IQGAP2: variants seen among roughly 807,000 people sequenced by gnomAD.
IQGAP2 encodes the protein ras GTPase-activating-like protein IQGAP2.
IQGAP2 carries 173 observed loss-of-function variants against 201.3 expected under a neutral mutation model. The ratio of observed to expected loss-of-function variants is 0.86; its 90% confidence interval spans 0.76 to 0.98. IQGAP2 has a LOEUF of 0.98. IQGAP2 is among the 50% of genes least tolerant of loss of function. IQGAP2 has a pLI of 0.00. For missense variants in IQGAP2, 1,687 were observed against 1,864.8 expected, an observed-to-expected ratio of 0.90 and a Z score of 1.76; for synonymous variants, 675 against 673.9, an observed-to-expected ratio of 1.00 and a Z score of -0.03.
In IQGAP2 at chr5:76,664,953, A is replaced by G. The variant is rs78990014; in HGVS notation, c.2530-73A>G. ...CTGTATTTCCAATTACGTGTGTTTC[A>G]ATCCTATATGTGAAGGGAGGAGATA... On this transcript the variant is annotated intron_variant, in intron 21 of 35. Coordinates refer to ENST00000274364, the MANE Select transcript of IQGAP2 (RefSeq NM_006633.5). 4,227 of 857,084 alleles carry G rather than the reference A, an allele frequency of 4.9e-3. 19 individuals are homozygous for G. The highest frequency in any genetic ancestry group is 5.9e-3 in the Non-Finnish European group (3,132 of 531,374). The allele number at this position is 857,084 out of a possible 1,614,324, so 53.1% of individuals were successfully genotyped here.
At chr5:76,602,097 T>G (rs1747466692) in intron 11 of IQGAP2, among the ~76,000 whole-genome samples, 1 of 152,230 alleles carries the variant, frequency 6.6e-6, no homozygotes, top group South Asian at 2.1e-4. Flanking sequence ...CTGCTGTCAG[T>G]AGCCAGTCTA....
chr5:76,403,670 G>A lies in IQGAP2; in HGVS notation c.46+79G>A. ...GAGGACGGCGTTGGAGAAGCCGAGGGAGCCGGTTGCGCGGCGCAGAGGAAA... is the reference window on the plus strand; with the variant it reads ...GAGGACGGCGTTGGAGAAGCCGAGGAAGCCGGTTGCGCGGCGCAGAGGAAA... On this transcript the variant is annotated intron_variant, in intron 1 of 35. Coordinates refer to ENST00000274364, the MANE Select transcript of IQGAP2 (RefSeq NM_006633.5). The surrounding 1 kb of genome is among the most constrained non-coding windows in gnomAD (Gnocchi z 4.8). The A allele has an allele frequency of 8.0e-7, 1 of 1,251,076 alleles. No individual in the cohort carries two copies. The highest frequency in any genetic ancestry group is 1.1e-6 in the Non-Finnish European group (1 of 941,218). The allele number at this position is 1,251,076 out of a possible 1,614,324, so 77.5% of individuals were successfully genotyped here.
intron 2 of IQGAP2, among the ~76,000 whole-genome samples, chr5:76,483,643 C>T (rs1755928865): frequency 6.6e-6 from 1 of 152,152 alleles, no homozygotes; most frequent in African/African-American, 2.4e-5. Context: ...CCTGGCCACC[C>T]GGAGCACTGC....
intron 4 of IQGAP2, among the ~76,000 whole-genome samples, chr5:76,571,262 C>T (rs1015367745): frequency 6.6e-6 from 1 of 152,156 alleles, no homozygotes; most frequent in Non-Finnish European, 1.5e-5. Context: ...ACCTCCGCCT[C>T]CCATGTTCAA....
At chr5:76,440,126 A>G (rs80258835) in intron 1 of IQGAP2, among the ~76,000 whole-genome samples, 2,932 of 152,318 alleles carry the variant, frequency 0.019, 105 homozygotes, top group African/African-American at 0.065. Context: ...GTTTAGCTGG[A>G]TACCAAATTC....
At chr5:76,479,482 G>A (rs1451261756) in intron 2 of IQGAP2, among the ~76,000 whole-genome samples, 1 of 152,130 alleles carries the variant, frequency 6.6e-6, no homozygotes, top group African/African-American at 2.4e-5. Context: ...GGTGTTGTGT[G>A]GTGGAAATGG....
intron 2 of IQGAP2, among the ~76,000 whole-genome samples, chr5:76,495,952 A>G (rs1186307176): frequency 6.6e-6 from 1 of 152,244 alleles, no homozygotes; most frequent in African/African-American, 2.4e-5. Context: ...GAGAGGACAG[A>G]CATCCAAACC....
intron 1 of IQGAP2, among the ~76,000 whole-genome samples, chr5:76,407,180 C>T (rs1198037506): frequency 6.6e-6 from 1 of 151,954 alleles, no homozygotes; most frequent in Non-Finnish European, 1.5e-5. Flanking sequence ...GGGTTTTCAC[C>T]ATGTTGCCCA....
At chr5:76,694,034 T>C (rs1176248243) in intron 31 of IQGAP2, 1 of 152,256 alleles carries the variant, frequency 6.6e-6, no homozygotes, top group African/African-American at 2.4e-5. Flanking sequence ...TAAACAAAAG[T>C]TAATTATTTA....
chr5:76,411,587 G>A (rs1348544586), intron 1 of IQGAP2, among the ~76,000 whole-genome samples: 1 of 152,116 alleles, frequency 6.6e-6, no homozygotes, highest in Non-Finnish European at 1.5e-5. Flanking sequence ...TTTGGTAAAA[G>A]GATGAGTTCA....
At chr5:76,528,630 T>C (rs1759108189) in intron 2 of IQGAP2, among the ~76,000 whole-genome samples, 1 of 152,146 alleles carries the variant, frequency 6.6e-6, no homozygotes, top group African/African-American at 2.4e-5. Context: ...CAATGAAAAG[T>C]CTAACCTCTA....
At chr5:76,438,167 A>G (rs982831088) in intron 1 of IQGAP2, among the ~76,000 whole-genome samples, 4 of 151,978 alleles carry the variant, frequency 2.6e-5, no homozygotes, top group African/African-American at 9.7e-5. Flanking sequence ...ATTGGAATCA[A>G]TTCTTCTTTG....
intron 16 of IQGAP2, among the ~76,000 whole-genome samples, chr5:76,639,826 G>A (rs1751425423): frequency 1.3e-5 from 2 of 152,152 alleles, no homozygotes; most frequent in Non-Finnish European, 2.9e-5. Context: ...GTTGTTCAGA[G>A]GTCGTACAAC....
intron 30 of IQGAP2, chr5:76,691,480 C>A (rs1369490757): frequency 6.6e-6 from 1 of 152,150 alleles, no homozygotes; most frequent in Non-Finnish European, 1.5e-5. Context: ...ACTCAGTGTT[C>A]CTGTTTAATA....
chr5:76,476,350 A>ATGTG (rs1261409788), intron 2 of IQGAP2, among the ~76,000 whole-genome samples: 2 of 152,244 alleles, frequency 1.3e-5, no homozygotes, highest in South Asian at 4.1e-4. Flanking sequence ...GATGGACAGG[A>ATGTG]TGTGGCCTGG....
intron 1 of IQGAP2, among the ~76,000 whole-genome samples, chr5:76,436,983 T>G (rs927197748): frequency 6.6e-6 from 1 of 152,186 alleles, no homozygotes; most frequent in Admixed American, 6.5e-5. Context: ...TATGCATACA[T>G]TTATTGGCTT....
chr5:76,532,221 A>G (rs1759343426), intron 2 of IQGAP2, among the ~76,000 whole-genome samples: 1 of 152,234 alleles, frequency 6.6e-6, no homozygotes, highest in African/African-American at 2.4e-5. Flanking sequence ...TAGAAACCAT[A>G]TGAGACCAGG....
At chr5:76,661,735 G>A (rs1467843305) in intron 21 of IQGAP2, among the ~76,000 whole-genome samples, 1 of 152,160 alleles carries the variant, frequency 6.6e-6, no homozygotes, top group African/African-American at 2.4e-5. Flanking sequence ...GGAAACTGAA[G>A]CTTAGGTTAA....
intron 13 of IQGAP2, 80 bp from the exon 14 acceptor site, chr5:76,627,330 T>A: frequency 1.1e-6 from 1 of 916,230 alleles, no homozygotes; most frequent in Non-Finnish European, 1.8e-6. Flanking sequence ...TATGATTAAA[T>A]GGCTCCTCAA....
Sources: allele counts gnomAD v4.1 joint callset (sites outside exome capture counted in the v4.1 genomes callset), GRCh38; gene constraint gnomAD v4.1.1; non-coding constraint Gnocchi (gnomAD v3.1); transcripts MANE v1.5; gene names NCBI Gene and HGNC (gene_info 2026-07-23, HGNC 2026-07-21).